SYT14: variants seen among roughly 807,000 people sequenced by gnomAD.
SYT14 encodes synaptotagmin-14.
SYT14 carries 32 observed loss-of-function variants against 74.2 expected under a neutral mutation model. The observed-to-expected ratio is 0.43, with a 90% CI of 0.33 to 0.58. SYT14 has a LOEUF of 0.58. Among genes scored for constraint, SYT14 ranks in the 20% least tolerant of loss-of-function variants. The pLI is 0.05. For synonymous variants in SYT14, 298 were observed against 337.7 expected (o/e 0.88, Z 1.29); for missense variants, 791 against 981.8 (o/e 0.81, Z 2.60).
At chr1:209,942,604 C>G (rs1031869476) in intron 1 of SYT14, among the ~76,000 whole-genome samples, 2 of 152,142 alleles carry the variant, frequency 1.3e-5, no homozygotes, top group African/African-American at 4.8e-5. Flanking sequence ...AGTCTCATTT[C>G]CAGTGTTAAG....
chr1:210,129,355 G>C (rs4844947), intron 7 of SYT14, among the ~76,000 whole-genome samples: 101,806 of 152,016 alleles, frequency 0.67, 35,124 homozygotes, highest in East Asian at 0.87. Flanking sequence ...CATAATGGCC[G>C]TCTTGAAACT....
chr1:210,100,015 A>G, exon 7 of SYT14: 1 of 1,613,828 alleles, frequency 6.2e-7, no homozygotes, highest in Non-Finnish European at 8.5e-7. Flanking sequence ...TTCTTAGGAT[A>G]TGTCAGCTCA....
At chr1:210,169,126 G>C (rs1294858966) in exon 10 of SYT14, 2 of 150,532 alleles carry the variant, frequency 1.3e-5, no homozygotes, top group Non-Finnish European at 2.9e-5. Flanking sequence ...TTCACATGTT[G>C]CTGTAACCAG....
intron 2 of SYT14, among the ~76,000 whole-genome samples, chr1:209,966,580 T>G (rs2079161570): frequency 2.0e-5 from 3 of 152,228 alleles, no homozygotes; most frequent in Admixed American, 1.3e-4. Flanking sequence ...TCCCTAAGCA[T>G]TTCATATTTT....
At chr1:210,108,150 G>A (rs535375463) in intron 7 of SYT14, among the ~76,000 whole-genome samples, 2 of 152,278 alleles carry the variant, frequency 1.3e-5, no homozygotes, top group South Asian at 4.2e-4. Flanking sequence ...TCTGGCTCTT[G>A]CTTACACTTC....
At chr1:209,978,178 A>C (rs2079405098) in intron 2 of SYT14, among the ~76,000 whole-genome samples, 1 of 151,970 alleles carries the variant, frequency 6.6e-6, no homozygotes, top group African/African-American at 2.4e-5. Context: ...GAGTAGTTTG[A>C]TCGTCTGAAG....
At chr1:209,997,567 A>G (rs1219199937) in intron 2 of SYT14, among the ~76,000 whole-genome samples, 2 of 152,140 alleles carry the variant, frequency 1.3e-5, no homozygotes, top group African/African-American at 4.8e-5. Context: ...GTTCAATGCT[A>G]TCACTATTAA....
At chr1:209,960,779 T>C (rs2079064345) in intron 2 of SYT14, among the ~76,000 whole-genome samples, 1 of 152,212 alleles carries the variant, frequency 6.6e-6, no homozygotes, top group South Asian at 2.1e-4. Context: ...AGTGGTAGGT[T>C]TACAAATTAT....
chr1:210,084,162 C>T (rs145565643), intron 5 of SYT14, among the ~76,000 whole-genome samples: 1 of 152,306 alleles, frequency 6.6e-6, no homozygotes, highest in African/African-American at 2.4e-5. Context: ...TCTACTGTAT[C>T]CTCAGTCATC....
At chr1:210,154,051 G>A (rs937624773) in intron 7 of SYT14, among the ~76,000 whole-genome samples, 64 of 152,146 alleles carry the variant, frequency 4.2e-4, no homozygotes, top group African/African-American at 1.3e-3. Context: ...AAGAGTTTGT[G>A]TAAAACTAGC....
intron 2 of SYT14, among the ~76,000 whole-genome samples, chr1:210,005,754 TAG>T (rs2079977908): frequency 6.6e-6 from 1 of 151,980 alleles, no homozygotes; most frequent in African/African-American, 2.4e-5. Flanking sequence ...CAGAGATTGA[TAG>T]AGTTTTATAT....
At chr1:209,957,713 C>T (rs560749414) in intron 2 of SYT14, among the ~76,000 whole-genome samples, 2 of 152,032 alleles carry the variant, frequency 1.3e-5, no homozygotes, top group Non-Finnish European at 2.9e-5. Flanking sequence ...AGGCGTGAAC[C>T]ACCCTGCCCA....
chr1:210,086,022 T>G (rs913113708), intron 5 of SYT14, among the ~76,000 whole-genome samples: 3 of 152,140 alleles, frequency 2.0e-5, no homozygotes, highest in African/African-American at 7.2e-5. Context: ...TTTTCTTTAT[T>G]GGGGAGGTTT....
In SYT14 at chr1:209,952,737, A is replaced by G. The variant is rs567063787; in HGVS notation, c.-505A>G. 1.2e-6 allele frequency: 2 copies of G among 1,610,862 alleles called. No individual in the cohort carries two copies. The highest frequency in any genetic ancestry group is 1.3e-5 in the African/African-American group (1 of 75,010). ...GAGAGAGAACCTGTGGAGTACATGA[A>G]CTTATCTGTATTAGAAAAGGTAAGT... On this transcript the variant is annotated 5_prime_UTR_variant, in exon 2 of 10. Transcript: ENST00000637265.
At position 209,957,507 on chromosome 1, in the gene SYT14, A is replaced by G. The variant is rs1470339175; in HGVS notation, c.-486+4751A>G. On this transcript the variant is annotated intron_variant, in intron 2 of 9. Coordinates refer to ENST00000637265, the Ensembl canonical transcript of SYT14. ...AATGGCGTGATCTCGGCTCGCTGCAATCTCCACCTCCTGGGTTCAGGGGAT... is the reference window on the plus strand; with the variant it reads ...AATGGCGTGATCTCGGCTCGCTGCAGTCTCCACCTCCTGGGTTCAGGGGAT... Among the ~76,000 whole-genome samples the G allele has an allele frequency of 4.0e-5, 6 of 151,750 alleles. No individual in the cohort carries two copies. In the South Asian group the frequency reaches 8.3e-4, roughly 21 times the overall value.
At chr1:210,097,250 C>A (rs2081983535) in intron 6 of SYT14, among the ~76,000 whole-genome samples, 1 of 152,018 alleles carries the variant, frequency 6.6e-6, no homozygotes, top group South Asian at 2.1e-4. Context: ...TGGTTTAATC[C>A]AGGCTGTAGC....
chr1:210,067,492 G>C (rs1189042984), intron 5 of SYT14, among the ~76,000 whole-genome samples: 1 of 151,832 alleles, frequency 6.6e-6, no homozygotes, highest in African/African-American at 2.4e-5. Context: ...TCAGTTTTCA[G>C]ATGTTTTATT....
chr1:210,053,252 C>A (rs1209494539), intron 5 of SYT14, among the ~76,000 whole-genome samples: 1 of 152,122 alleles, frequency 6.6e-6, no homozygotes, highest in Non-Finnish European at 1.5e-5. Context: ...GCCTGCTATG[C>A]TATGCACAGA....
intron 7 of SYT14, among the ~76,000 whole-genome samples, chr1:210,130,047 C>G (rs1019148875): frequency 9.2e-5 from 14 of 152,166 alleles, no homozygotes; most frequent in African/African-American, 3.1e-4. Context: ...CTGTTGAGTT[C>G]TGAAATATCT....
Sources: allele counts gnomAD v4.1 joint callset (sites outside exome capture counted in the v4.1 genomes callset), GRCh38; gene constraint gnomAD v4.1.1; transcripts MANE v1.5; gene names NCBI Gene and HGNC (gene_info 2026-07-23, HGNC 2026-07-21).